Variants in MROH1 observed in about 807,000 individuals in gnomAD.
MROH1 encodes maestro heat-like repeat-containing protein family member 1.
Under a neutral mutation model 116.5 loss-of-function variants are expected in MROH1, and 117 were observed. That is an observed-to-expected ratio of 1.00 (90% CI 0.86 to 1.17). The LOEUF (loss-of-function observed/expected upper bound fraction) is 1.17. Ranked by LOEUF, MROH1 falls within the 50% of genes most tolerant of loss-of-function variation. MROH1 has a pLI of 0.00. For missense variants in MROH1, 1,873 were observed against 1,338.5 expected, an observed-to-expected ratio of 1.40 and a Z score of -6.23; for synonymous variants, 921 against 583.9, an observed-to-expected ratio of 1.58 and a Z score of -8.32.
At chr8:144,160,162 G>C (rs546268368) in intron 1 of MROH1, among the ~76,000 whole-genome samples, 1 of 152,310 alleles carries the variant, frequency 6.6e-6, no homozygotes, top group East Asian at 1.9e-4. Context: ...TGAGCTTTGT[G>C]CTGGGAGCTG....
At chr8:144,165,752 T>C (rs1166719077) in intron 3 of MROH1, among the ~76,000 whole-genome samples, 1 of 151,392 alleles carries the variant, frequency 6.6e-6, no homozygotes, top group Admixed American at 6.6e-5. Flanking sequence ...TTGTATTTTT[T>C]TTTTTTTTTT....
intron 4 of MROH1, among the ~76,000 whole-genome samples, chr8:144,177,967 C>CTTTTTTT (rs61011280): frequency 7.0e-6 from 1 of 143,832 alleles, no homozygotes; most frequent in Non-Finnish European, 1.5e-5. Flanking sequence ...ATTTCTTCTT[C>CTTTTTTT]TTTTTTTTTT....
At chr8:144,151,262 A>C (rs1357507671) in intron 1 of MROH1, among the ~76,000 whole-genome samples, 8 of 151,166 alleles carry the variant, frequency 5.3e-5, no homozygotes, top group Admixed American at 1.3e-4. Context: ...AAAAAAAAAA[A>C]AAAAAAAAAA....
chr8:144,243,492 A>G lies in MROH1; in HGVS notation c.2353-2A>G. The G allele has an allele frequency of 1.3e-6, 1 of 779,410 alleles. No homozygotes were observed. The highest frequency in any genetic ancestry group is 2.4e-6 in the Non-Finnish European group (1 of 417,802). The allele number at this position is 779,410 out of a possible 1,614,324, so 48.3% of individuals were successfully genotyped here. A position where few individuals can be genotyped will look rare whatever the true frequency, so the allele number is the denominator to read the frequency against. On this transcript the variant is annotated splice_acceptor_variant, in intron 24 of 43. Coordinates refer to ENST00000326134, the MANE Select transcript of MROH1 (RefSeq NM_032450.3). LOFTEE classifies it high-confidence loss of function. ...GTCTCCTGTAGCCCTGCGTCCCTGC[A>G]GGACCCAGCCCTGAAGCTGTGCCTT... is the stretch of plus-strand genomic sequence containing the variant.
At chr8:144,179,030 G>A (rs954685181) in intron 4 of MROH1, among the ~76,000 whole-genome samples, 1 of 152,090 alleles carries the variant, frequency 6.6e-6, no homozygotes, top group Non-Finnish European at 1.5e-5. Context: ...GCCTTGGGGA[G>A]GGGCCGTTGG....
intron 14 of MROH1, among the ~76,000 whole-genome samples, chr8:144,237,709 A>T (rs1322517841): frequency 6.6e-6 from 1 of 151,874 alleles, no homozygotes; most frequent in African/African-American, 2.4e-5. Flanking sequence ...TGAATTCTTT[A>T]TTTCACGGTT....
chr8:144,192,580 C>T (rs1828914666), intron 10 of MROH1, 179 bp downstream of exon 10: 1 of 709,644 alleles, frequency 1.4e-6, no homozygotes, highest in East Asian at 2.7e-5. Flanking sequence ...TGCTCTTGCC[C>T]TGCCCAGTAG....
rs1049654742 is a variant in MROH1 at position 144,261,231 on chromosome 8, C to T, written c.4774+15C>T. 5.2e-6 allele frequency: 4 copies of T among 763,014 alleles called. No homozygotes were observed. Among genetic ancestry groups the T allele is most frequent in the Non-Finnish European group, 9.6e-6 (4 of 417,548 alleles). 47.3% of individuals were successfully genotyped at this position (763,014 alleles called of 1,614,324 possible). ...CCTGTTCACCGGTAAGCACCACCCC[C>T]TGCCCCACCCCCACGCCGCCCGGCA... On this transcript the variant is annotated intron_variant, in intron 42 of 43. Coordinates refer to ENST00000326134, the MANE Select transcript of MROH1 (RefSeq NM_032450.3).
intron 4 of MROH1, among the ~76,000 whole-genome samples, chr8:144,176,721 C>T (rs111889940): frequency 3.9e-3 from 13 of 3,324 alleles, no homozygotes; most frequent in South Asian, 0.17. Context: ...CCCAGCTACT[C>T]GGGAGGCTAA....
chr8:144,242,241 C>T, intron 22 of MROH1, 128 bp from the exon 23 acceptor site: 1 of 769,116 alleles, frequency 1.3e-6, no homozygotes, highest in Non-Finnish European at 2.4e-6. Flanking sequence ...GGCTGGGTCA[C>T]ACCTCTGCTG....
At chr8:144,246,169 C>T (rs952881284) in intron 29 of MROH1, among the ~76,000 whole-genome samples, 32 of 150,450 alleles carry the variant, frequency 2.1e-4, no homozygotes, top group African/African-American at 6.4e-4. Context: ...AGTGCAGTGG[C>T]GCAATCTTGG....
At chr8:144,198,305 C>T (rs897569802) in intron 10 of MROH1, among the ~76,000 whole-genome samples, 10 of 152,178 alleles carry the variant, frequency 6.6e-5, no homozygotes, top group African/African-American at 2.2e-4. Context: ...GTGACACCTG[C>T]GAGTGGGGAC....
chr8:144,212,903 C>T (rs764576400), intron 12 of MROH1: 7 of 684,568 alleles, frequency 1.0e-5, no homozygotes, highest in African/African-American at 5.2e-5. Context: ...TTTTCTGTTA[C>T]GTCTCTATCT....
intron 7 of MROH1, among the ~76,000 whole-genome samples, chr8:144,181,020 C>T (rs1825489355): frequency 6.6e-6 from 1 of 152,144 alleles, no homozygotes; most frequent in Non-Finnish European, 1.5e-5. Flanking sequence ...CTGCCACTGA[C>T]AGTGGGGGAG....
chr8:144,203,606 C>T (rs1258898059), intron 12 of MROH1, among the ~76,000 whole-genome samples: 2 of 152,068 alleles, frequency 1.3e-5, no homozygotes, highest in East Asian at 1.9e-4. Flanking sequence ...GAGAGGAGAG[C>T]GCCTGCAGCT....
At chr8:144,175,789 G>A (rs1160956253) in intron 4 of MROH1, among the ~76,000 whole-genome samples, 5 of 152,244 alleles carry the variant, frequency 3.3e-5, no homozygotes, top group Non-Finnish European at 4.4e-5. Context: ...GGTGGCTCAC[G>A]CCTGTAATCC....
chr8:144,195,632 G>A (rs1369485576), intron 10 of MROH1, among the ~76,000 whole-genome samples: 1 of 151,502 alleles, frequency 6.6e-6, no homozygotes, highest in African/African-American at 2.4e-5. Context: ...GTGAGCCACT[G>A]CACCTGGCCT....
chr8:144,237,635 A>G (rs1366489382), intron 14 of MROH1, among the ~76,000 whole-genome samples: 1 of 152,170 alleles, frequency 6.6e-6, no homozygotes, highest in East Asian at 1.9e-4. Flanking sequence ...AGTCTTCGGC[A>G]GCCTGTTCTT....
intron 14 of MROH1, among the ~76,000 whole-genome samples, chr8:144,229,193 G>A (rs1838360303): frequency 6.6e-6 from 1 of 152,050 alleles, no homozygotes; most frequent in Non-Finnish European, 1.5e-5. Flanking sequence ...AGTTATCCAT[G>A]AGGTTTGGAA....
Sources: gnomAD v4.1 joint callset for allele counts (sites outside exome capture counted in the v4.1 genomes callset) on GRCh38, gnomAD v4.1.1 for gene constraint, MANE v1.5 for transcripts, NCBI Gene and HGNC (gene_info 2026-07-23, HGNC 2026-07-21) for gene names.